Variants in ROR2 observed in about 807,000 individuals in gnomAD.
ROR2 encodes the protein tyrosine-protein kinase transmembrane receptor ROR2.
In ROR2, 33 loss-of-function variants were observed where a neutral mutation model predicts 74.9. The ratio of observed to expected loss-of-function variants is 0.44; its 90% CI spans 0.33 to 0.59. The LOEUF (loss-of-function observed/expected upper bound fraction) is 0.59. Among genes scored for constraint, ROR2 ranks in the 20% least tolerant of loss-of-function variants. The pLI is 0.02. For synonymous variants in ROR2, 586 were observed against 558.7 expected (o/e 1.05, Z -0.69); for missense variants, 1,216 against 1,313.8 (o/e 0.93, Z 1.15).
At chr9:91,949,746 G>A (rs1428768330) in intron 1 of ROR2, 121 bp downstream of exon 1, 2 of 707,210 alleles carry the variant, frequency 2.8e-6, no homozygotes, top group Non-Finnish European at 5.1e-6. Context: ...GCCCTGCCTG[G>A]CGCCCCTCGT....
At chr9:91,731,956 G>A (rs1239712357) in intron 6 of ROR2, among the ~76,000 whole-genome samples, 1 of 152,010 alleles carries the variant, frequency 6.6e-6, no homozygotes, top group Non-Finnish European at 1.5e-5. Flanking sequence ...CCTAAATATT[G>A]CCTCATTTGA....
At chr9:91,748,766 C>T (rs1226875821) in intron 4 of ROR2, among the ~76,000 whole-genome samples, 3 of 152,218 alleles carry the variant, frequency 2.0e-5, no homozygotes, top group African/African-American at 7.2e-5. Flanking sequence ...GGCCTGGTGG[C>T]TCACGCCTGC....
Position 91,775,769 on chromosome 9 carries a change from C to A in ROR2, c.147G>T (p.Gly49=), listed in dbSNP as rs1826397783. The part of the protein sequence containing the change: ...DPNDPLGPLD[G]QDGPIPTLKG... ...TCAGAGTTGGAATCGGGCCGTCCTG[C>A]CCATCAAGGGGTCCTAAAGGGTCGT... is the stretch of plus-strand genomic sequence containing the variant. Residue 49 remains glycine (G), a synonymous_variant, in exon 2 of 9, where the codon GGG becomes GGT. Transcript: ENST00000375708. 3.7e-6 allele frequency: 6 copies of A among 1,614,084 alleles called. No homozygotes were observed. The South Asian group carries it at 4.4e-5, about 12-fold the overall frequency.
intron 1 of ROR2, among the ~76,000 whole-genome samples, chr9:91,927,559 A>ATTTTTTTTTTTTT (rs1186182004): frequency 1.0e-5 from 1 of 100,132 alleles, no homozygotes; most frequent in Non-Finnish European, 2.2e-5. Context: ...TGTTTTCTAG[A>ATTTTTTTTTTTTT]TTCTTTTTTT....
At position 91,726,760 on chromosome 9, in the gene ROR2, T is replaced by C. The variant is rs1200258559; in HGVS notation, c.1184-17A>G. 2 of 1,612,692 alleles carry C rather than the reference T, an allele frequency of 1.2e-6. No homozygotes were observed. The highest frequency in any genetic ancestry group is 2.2e-5 in the South Asian group (2 of 91,052). ...CTCGGGGACCTGTGAACAATAAGGC[T>C]TTCGTGATTTTTCAGAAAACATCCC... is the stretch of plus-strand genomic sequence containing the variant. On this transcript the variant is annotated splice_polypyrimidine_tract_variant and intron_variant, in intron 7 of 8. Transcript: ENST00000375708.
chr9:91,777,067 TAGA>T (rs1826445845), intron 1 of ROR2, among the ~76,000 whole-genome samples: 1 of 152,206 alleles, frequency 6.6e-6, no homozygotes, highest in Non-Finnish European at 1.5e-5. Context: ...ACGAGATCTT[TAGA>T]ACTGACACTT....
Position 91,757,378 on chromosome 9 carries a change from T to C in ROR2, c.357A>G (p.Arg119=). The C allele has an allele frequency of 6.2e-7, 1 of 1,613,910 alleles. No homozygotes were observed. The highest frequency in any genetic ancestry group is 8.5e-7 in the Non-Finnish European group (1 of 1,180,002). Reference sequence around the variant, plus strand: ...TCGTGTCCAGGTCCTGGATTCGCAGTCGTGAACCATATTCTGTCTTCCGGA... The same window carrying C: ...TCGTGTCCAGGTCCTGGATTCGCAGCCGTGAACCATATTCTGTCTTCCGGA... ...IIIRKTEYGS[R]LRIQDLDTTD... The change falls in exon 3 of 9, where the codon CGA becomes CGG. Residue 119 remains arginine, a synonymous_variant. Coordinates refer to ENST00000375708, the MANE Select transcript of ROR2 (RefSeq NM_004560.4).
At chr9:91,757,700 T>C in intron 2 of ROR2, 141 bp from the exon 3 acceptor site, 2 of 873,328 alleles carry the variant, frequency 2.3e-6, no homozygotes, top group Non-Finnish European at 3.6e-6. Flanking sequence ...TCTGCGGTAA[T>C]TATCTTCTAG....
intron 1 of ROR2, among the ~76,000 whole-genome samples, chr9:91,904,779 C>T (rs1830768780): frequency 1.3e-5 from 2 of 152,186 alleles, no homozygotes; most frequent in South Asian, 4.1e-4. Context: ...GCCTCAGGAA[C>T]CTCTGGTTCC....
intron 1 of ROR2, among the ~76,000 whole-genome samples, chr9:91,803,173 C>A (rs1009157753): frequency 1.3e-5 from 2 of 152,118 alleles, no homozygotes; most frequent in Non-Finnish European, 2.9e-5. Flanking sequence ...GCCCTCAGGT[C>A]GGATGAAGAG....
chr9:91,733,083 T>C lies in ROR2; in HGVS notation c.937+39A>G. On this transcript the variant is annotated intron_variant, in intron 6 of 8. Coordinates refer to ENST00000375708, the MANE Select transcript of ROR2 (RefSeq NM_004560.4). This position sits in a 1 kb window ranked among gnomAD's most constrained non-coding sequence, Gnocchi z 5.7. ...CACATTTCAAGGGCCCTACACTCCC[T>C]GCGCCCCCCGGTCCCGCCCCGGGCC... 6.5e-7 allele frequency: 1 copy of C among 1,540,278 alleles called. No individual in the cohort carries two copies. The highest frequency in any genetic ancestry group is 8.7e-7 in the Non-Finnish European group (1 of 1,144,802).
intron 1 of ROR2, among the ~76,000 whole-genome samples, chr9:91,861,023 T>C (rs754058699): frequency 7.9e-5 from 12 of 152,184 alleles, no homozygotes; most frequent in Admixed American, 2.6e-4. Context: ...AAAAATAATA[T>C]ATTACTTAGG....
At chr9:91,805,918 A>G (rs1055574511) in intron 1 of ROR2, among the ~76,000 whole-genome samples, 11 of 152,176 alleles carry the variant, frequency 7.2e-5, no homozygotes, top group South Asian at 2.1e-4. Context: ...CGCACAAACT[A>G]TCACCACTCC....
chr9:91,726,298 T>A (rs897203208), intron 8 of ROR2, among the ~76,000 whole-genome samples: 3 of 152,092 alleles, frequency 2.0e-5, no homozygotes, highest in Admixed American at 2.0e-4. Flanking sequence ...GGCAGCATGG[T>A]CCAGGCAGAA....
At chr9:91,795,852 A>T (rs1244133530) in intron 1 of ROR2, among the ~76,000 whole-genome samples, 1 of 152,218 alleles carries the variant, frequency 6.6e-6, no homozygotes, top group African/African-American at 2.4e-5. Flanking sequence ...TATGGCAAAA[A>T]TAAGCATGAA....
At chr9:91,911,354 C>G (rs1181786845) in intron 1 of ROR2, among the ~76,000 whole-genome samples, 2 of 152,210 alleles carry the variant, frequency 1.3e-5, no homozygotes, top group African/African-American at 4.8e-5. Flanking sequence ...TGCACTAACC[C>G]TGTACAGCAT....
intron 1 of ROR2, among the ~76,000 whole-genome samples, chr9:91,891,230 T>C (rs1374782700): frequency 6.6e-6 from 1 of 151,708 alleles, no homozygotes; most frequent in African/African-American, 2.4e-5. Flanking sequence ...AAAAATCAAG[T>C]TGTCAGCAGG....
intron 2 of ROR2, among the ~76,000 whole-genome samples, chr9:91,767,611 T>C (rs535167152): frequency 6.6e-5 from 10 of 152,308 alleles, no homozygotes; most frequent in Admixed American, 5.9e-4. Flanking sequence ...ATAAAGCTGC[T>C]CCTCCCAAGG....
intron 1 of ROR2, among the ~76,000 whole-genome samples, chr9:91,908,847 C>T (rs1040480894): frequency 1.3e-5 from 2 of 152,092 alleles, no homozygotes; most frequent in South Asian, 2.1e-4. Context: ...AATGTAAACA[C>T]CTTATATTTT....
Sources: gnomAD v4.1 joint callset for allele counts (sites outside exome capture counted in the v4.1 genomes callset) on GRCh38, gnomAD v4.1.1 for gene constraint, Gnocchi (gnomAD v3.1) non-coding constraint, MANE v1.5 for transcripts, NCBI Gene and HGNC (gene_info 2026-07-23, HGNC 2026-07-21) for gene names.